Variants in DIAPH3 observed in about 807,000 individuals in gnomAD.
The protein encoded by DIAPH3 is diaphanous related formin 3.
A neutral mutation model predicts 144.3 loss-of-function variants in DIAPH3; 117 were observed. The ratio of observed to expected loss-of-function variants is 0.81; its 90% confidence interval spans 0.70 to 0.95. The LOEUF is 0.95. DIAPH3 is among the 40% of genes least tolerant of loss of function. The pLI is 0.00. For synonymous variants in DIAPH3, 519 were observed against 488.9 expected, an observed-to-expected ratio of 1.06 and a Z score of -0.81; for missense variants, 1,421 against 1,412.7, an observed-to-expected ratio of 1.01 and a Z score of -0.09.
intron 4 of DIAPH3, among the ~76,000 whole-genome samples, chr13:60,085,616 T>C (rs1404462999): frequency 3.3e-5 from 5 of 152,148 alleles, no homozygotes; most frequent in African/African-American, 1.2e-4. Context: ...CAAGAGTTAT[T>C]GCTCCTGGAT....
chr13:59,867,301 A>T (rs145426403), intron 21 of DIAPH3, among the ~76,000 whole-genome samples: 3 of 151,312 alleles, frequency 2.0e-5, no homozygotes, highest in African/African-American at 7.3e-5. Flanking sequence ...GCTCTTAAAA[A>T]AAACAACAAA....
intron 27 of DIAPH3, among the ~76,000 whole-genome samples, chr13:59,710,258 C>CA (rs1468888828): frequency 9.3e-6 from 1 of 107,596 alleles, no homozygotes; most frequent in Non-Finnish European, 2.0e-5. Flanking sequence ...TAATAAATAA[C>CA]AAAAAATAAA....
intron 20 of DIAPH3, among the ~76,000 whole-genome samples, chr13:59,907,461 A>G (rs886792159): frequency 1.3e-5 from 2 of 152,192 alleles, no homozygotes; most frequent in Non-Finnish European, 2.9e-5. Context: ...GTTACTTTTC[A>G]TATACCAAAA....
intron 20 of DIAPH3, among the ~76,000 whole-genome samples, chr13:59,896,328 T>G (rs1290167574): frequency 5.9e-5 from 9 of 152,176 alleles, no homozygotes; most frequent in Non-Finnish European, 1.5e-5. Flanking sequence ...AGTGGCTCAT[T>G]TGATGCGATA....
intron 13 of DIAPH3, among the ~76,000 whole-genome samples, chr13:59,983,144 A>AAAG (rs2051132302): frequency 1.3e-5 from 2 of 149,750 alleles, no homozygotes; most frequent in Non-Finnish European, 3.0e-5. Context: ...ATCTTTAAAA[A>AAAG]AAAAAAAAAA....
intron 2 of DIAPH3, among the ~76,000 whole-genome samples, chr13:60,115,677 C>T (rs910206326): frequency 6.6e-6 from 1 of 151,948 alleles, no homozygotes; most frequent in African/African-American, 2.4e-5. Flanking sequence ...TTAATTTTAA[C>T]TTTTTTTATA....
chr13:59,738,049 C>T (rs2036249356), intron 27 of DIAPH3, among the ~76,000 whole-genome samples: 1 of 152,014 alleles, frequency 6.6e-6, no homozygotes, highest in Non-Finnish European at 1.5e-5. Context: ...CACCTGTAAT[C>T]CTAGCTACTT....
chr13:60,087,079 C>A (rs972150740), intron 4 of DIAPH3, among the ~76,000 whole-genome samples: 18 of 152,096 alleles, frequency 1.2e-4, no homozygotes, highest in Admixed American at 3.3e-4. Flanking sequence ...AACGTAAATG[C>A]TATGTAAATA....
intron 4 of DIAPH3, among the ~76,000 whole-genome samples, chr13:60,078,365 C>T (rs1327050870): frequency 2.0e-5 from 3 of 151,868 alleles, no homozygotes; most frequent in South Asian, 2.1e-4. Context: ...ATAAGAAGGG[C>T]GGAACTAGTA....
At chr13:60,029,578 C>T (rs1031309931) in intron 5 of DIAPH3, among the ~76,000 whole-genome samples, 10 of 152,168 alleles carry the variant, frequency 6.6e-5, no homozygotes, top group Admixed American at 2.6e-4. Context: ...GGGAATTTGG[C>T]ATTTGCCCTG....
In DIAPH3 at chr13:59,774,794, G is replaced by C; in HGVS notation, c.3193C>G (p.Leu1065Val). Residue 1065 changes from leucine to valine, a missense_variant, in exon 26 of 28, where the codon CTG becomes GTG. Leu to Val is a conservative substitution (Grantham distance 32). Coordinates refer to ENST00000400324, the MANE Select transcript of DIAPH3 (RefSeq NM_001042517.2). ...EGDETGVMDN[L>V]LEALQSGAAF... ...GCCCCGGACTGCAAGGCCTCCAGCA[G>C]ATTATCCATCACTCCTGTCTCATCA... 1 of 1,614,184 alleles carries C rather than the reference G, an allele frequency of 6.2e-7. No individual in the cohort carries two copies. The highest frequency in any genetic ancestry group is 8.5e-7 in the Non-Finnish European group (1 of 1,180,022).
At chr13:59,952,524 A>G (rs1178726053) in intron 17 of DIAPH3, among the ~76,000 whole-genome samples, 1 of 152,142 alleles carries the variant, frequency 6.6e-6, no homozygotes, top group Non-Finnish European at 1.5e-5. Context: ...CACAGAATTT[A>G]CCTATAATTT....
intron 3 of DIAPH3, among the ~76,000 whole-genome samples, chr13:60,099,760 G>A (rs766919635): frequency 1.3e-5 from 2 of 152,100 alleles, no homozygotes; most frequent in Non-Finnish European, 2.9e-5. Flanking sequence ...CAGAATCACT[G>A]TGCTGATCTG....
chr13:59,861,650 A>G lies in DIAPH3; in HGVS notation c.2608-114T>C, dbSNP rs1014952760. On this transcript the variant is annotated intron_variant, in intron 21 of 27. Coordinates refer to ENST00000400324, the MANE Select transcript of DIAPH3 (RefSeq NM_001042517.2). ...GATAAGGACTAAAAGTTGTAAAATT[A>G]GTTGATTTCGTTTTTGAAAAACAAA... The G allele has an allele frequency of 1.3e-5, 16 of 1,186,720 alleles. No individual in the cohort carries two copies. The East Asian group carries it at 4.0e-4, about 30-fold the overall frequency. 73.5% of individuals were successfully genotyped at this position (1,186,720 alleles called of 1,614,324 possible). A position where few individuals can be genotyped will look rare whatever the true frequency, so the allele number is the denominator to read the frequency against.
intron 9 of DIAPH3, among the ~76,000 whole-genome samples, chr13:59,997,676 GAGGACCATCC>G (rs2052288857): frequency 6.6e-6 from 1 of 151,932 alleles, no homozygotes; most frequent in South Asian, 2.1e-4. Context: ...CCCCATCCAC[GAGGACCATCC>G]AGTTTTTCCA....
chr13:59,860,545 T>G (rs1018084643), intron 22 of DIAPH3, among the ~76,000 whole-genome samples: 1 of 152,020 alleles, frequency 6.6e-6, no homozygotes, highest in Non-Finnish European at 1.5e-5. Flanking sequence ...GAGACTATCC[T>G]GGCTAACATG....
At chr13:59,862,806 A>C (rs2139940659) in intron 21 of DIAPH3, among the ~76,000 whole-genome samples, 1 of 152,078 alleles carries the variant, frequency 6.6e-6, no homozygotes, top group East Asian at 1.9e-4. Flanking sequence ...AAGGTGATGC[A>C]TTTATGTTTA....
At chr13:60,133,408 T>G (rs1181931481) in intron 1 of DIAPH3, among the ~76,000 whole-genome samples, 1 of 152,072 alleles carries the variant, frequency 6.6e-6, no homozygotes, top group Non-Finnish European at 1.5e-5. Context: ...TTCAGAAAAT[T>G]TTTCATATTA....
At chr13:60,093,590 T>A (rs1479775914) in intron 4 of DIAPH3, 38 bp downstream of exon 4, 2 of 1,367,648 alleles carry the variant, frequency 1.5e-6, no homozygotes. Context: ...TGTTAAAACA[T>A]GTTCGGCAGT....
Sources: allele counts gnomAD v4.1 joint callset (sites outside exome capture counted in the v4.1 genomes callset), GRCh38; gene constraint gnomAD v4.1.1; transcripts MANE v1.5; gene names NCBI Gene and HGNC (gene_info 2026-07-23, HGNC 2026-07-21).